Variants in EMCN observed in about 807,000 individuals in gnomAD.
The protein encoded by EMCN is MUC-14.
A neutral mutation model predicts 38.4 loss-of-function variants in EMCN; 37 were observed. The observed-to-expected ratio is 0.96, with a 90% CI of 0.74 to 1.27. The LOEUF (loss-of-function observed/expected upper bound fraction) is 1.27, where lower values mean the gene tolerates loss of function less well. EMCN is among the 50% of genes most tolerant of loss of function. The pLI, the probability that EMCN is intolerant of heterozygous loss-of-function variation, is 0.00. For missense variants in EMCN, 318 were observed against 302.8 expected, an observed-to-expected ratio of 1.05 and a Z score of -0.37; for synonymous variants, 95 against 100.8, an observed-to-expected ratio of 0.94 and a Z score of 0.35.
intron 1 of EMCN, among the ~76,000 whole-genome samples, chr4:100,505,019 G>A (rs1010707351): frequency 1.3e-5 from 2 of 152,230 alleles, no homozygotes; most frequent in Admixed American, 6.5e-5. Context: ...CTGATATGCA[G>A]AAATAATGGC....
At chr4:100,447,481 G>A in intron 5 of EMCN, 52 bp downstream of exon 5, 1 of 1,322,146 alleles carries the variant, frequency 7.6e-7, no homozygotes, top group African/African-American at 1.5e-5. Flanking sequence ...TTTTATTCTT[G>A]AGATTTTACC....
intron 1 of EMCN, among the ~76,000 whole-genome samples, chr4:100,491,354 C>T (rs1729071228): frequency 1.3e-5 from 2 of 152,158 alleles, no homozygotes; most frequent in Admixed American, 6.5e-5. Context: ...TTTAACAGCT[C>T]TCTGCATGGC....
At chr4:100,475,382 C>T (rs1578218711) in intron 2 of EMCN, among the ~76,000 whole-genome samples, 1 of 150,354 alleles carries the variant, frequency 6.7e-6, no homozygotes, top group South Asian at 2.1e-4. Flanking sequence ...AAGATTGTTA[C>T]TTAGGTATCT....
chr4:100,443,926 G>A (rs993831894), intron 5 of EMCN, among the ~76,000 whole-genome samples: 2 of 152,332 alleles, frequency 1.3e-5, no homozygotes, highest in South Asian at 4.1e-4. Flanking sequence ...GGAGTCAACA[G>A]AGGTCAGCAA....
intron 1 of EMCN, among the ~76,000 whole-genome samples, chr4:100,510,822 T>C (rs1729607759): frequency 6.6e-6 from 1 of 152,180 alleles, no homozygotes; most frequent in South Asian, 2.1e-4. Context: ...AATTCACTGA[T>C]AGCTATTTCC....
chr4:100,504,249 C>G (rs1490310109), intron 1 of EMCN, among the ~76,000 whole-genome samples: 1 of 152,190 alleles, frequency 6.6e-6, no homozygotes, highest in African/African-American at 2.4e-5. Context: ...GGCCTAGGAT[C>G]TGACTCACTC....
At chr4:100,470,385 A>AAAAG (rs915755838) in intron 3 of EMCN, among the ~76,000 whole-genome samples, 1 of 151,444 alleles carries the variant, frequency 6.6e-6, no homozygotes, top group Admixed American at 6.6e-5. Flanking sequence ...TGTTAAAAAA[A>AAAAG]AAAACAGGTG....
chr4:100,432,921 G>C (rs1227437608), intron 5 of EMCN, among the ~76,000 whole-genome samples: 1 of 152,096 alleles, frequency 6.6e-6, no homozygotes, highest in Non-Finnish European at 1.5e-5. Flanking sequence ...AGTTACTATA[G>C]TGAAGGAAAT....
chr4:100,419,982 A>C (rs899154155), intron 8 of EMCN, among the ~76,000 whole-genome samples: 12 of 152,102 alleles, frequency 7.9e-5, no homozygotes, highest in Non-Finnish European at 1.3e-4. Flanking sequence ...TAAACAAAGA[A>C]TAATGCAGCT....
chr4:100,517,836 AAG>A lies in EMCN; in HGVS notation c.64+13_64+14del. The A allele has an allele frequency of 6.2e-7, 1 of 1,611,830 alleles. No individual in the cohort carries two copies. ...TTCCAATCCGTACCACCAGAGGAATAAGAGACAAAAATACCTGTGCTGTTACT... is the reference window on the plus strand; with the variant it reads ...TTCCAATCCGTACCACCAGAGGAATAAGACAAAAATACCTGTGCTGTTACT... On this transcript the variant is annotated intron_variant, in intron 1 of 11. Transcript: ENST00000296420.
chr4:100,500,519 A>G (rs767492521), intron 1 of EMCN, among the ~76,000 whole-genome samples: 4 of 152,144 alleles, frequency 2.6e-5, no homozygotes, highest in Non-Finnish European at 2.9e-5. Flanking sequence ...TCCCTCTTCC[A>G]CTACTCTAGA....
chr4:100,509,731 C>T (rs769896164), intron 1 of EMCN, among the ~76,000 whole-genome samples: 9 of 152,126 alleles, frequency 5.9e-5, no homozygotes, highest in Non-Finnish European at 1.0e-4. Flanking sequence ...TATTTCAACA[C>T]ATGGCCATTT....
At chr4:100,432,460 G>T (rs975477488) in intron 5 of EMCN, among the ~76,000 whole-genome samples, 5 of 152,088 alleles carry the variant, frequency 3.3e-5, no homozygotes, top group African/African-American at 9.7e-5. Context: ...AACTGCTAAT[G>T]GCAGGTTCCA....
At chr4:100,403,708 CT>C (rs1726319578) in intron 11 of EMCN, among the ~76,000 whole-genome samples, 1 of 151,994 alleles carries the variant, frequency 6.6e-6, no homozygotes, top group Non-Finnish European at 1.5e-5. Flanking sequence ...TAAGCATTCC[CT>C]TTTCTCTACA....
At chr4:100,467,364 T>C (rs1728344958) in intron 3 of EMCN, among the ~76,000 whole-genome samples, 1 of 152,190 alleles carries the variant, frequency 6.6e-6, no homozygotes, top group Admixed American at 6.6e-5. Context: ...AATCTATGCA[T>C]GGTTGACTAA....
intron 8 of EMCN, among the ~76,000 whole-genome samples, chr4:100,419,108 G>A (rs186389091): frequency 1.3e-5 from 2 of 151,994 alleles, no homozygotes; most frequent in East Asian, 1.9e-4. Context: ...AAACTATAGC[G>A]ATAGTCTCAT....
chr4:100,425,491 C>A (rs1727021524), intron 5 of EMCN, among the ~76,000 whole-genome samples: 1 of 152,084 alleles, frequency 6.6e-6, no homozygotes, highest in Admixed American at 6.6e-5. Context: ...GGGTACAAAT[C>A]TGACTCTAGC....
chr4:100,474,829 A>G (rs55908173), intron 3 of EMCN, among the ~76,000 whole-genome samples: 62,851 of 151,934 alleles, frequency 0.41, 13,930 homozygotes, highest in East Asian at 0.77. Flanking sequence ...GGTTACCAGA[A>G]GCTGGGAGGG....
chr4:100,482,860 A>G (rs777541712), intron 1 of EMCN, among the ~76,000 whole-genome samples: 3 of 152,168 alleles, frequency 2.0e-5, no homozygotes, highest in Non-Finnish European at 4.4e-5. Flanking sequence ...TGAAGTCATC[A>G]TGTGACATCA....
Sources: allele counts gnomAD v4.1 joint callset (sites outside exome capture counted in the v4.1 genomes callset), GRCh38; gene constraint gnomAD v4.1.1; transcripts MANE v1.5; gene names NCBI Gene and HGNC (gene_info 2026-07-23, HGNC 2026-07-21).